MYH7B: variants seen among roughly 807,000 people sequenced by gnomAD.
The protein encoded by MYH7B is myosin heavy chain 7B.
MYH7B carries 205 observed loss-of-function variants against 234.5 expected under a neutral mutation model. The ratio of observed to expected loss-of-function variants is 0.87; its 90% CI spans 0.78 to 0.98. MYH7B has a LOEUF of 0.98. Ranked by LOEUF, MYH7B falls within the 50% of genes least tolerant of loss-of-function variation. MYH7B has a pLI of 0.00. For synonymous variants in MYH7B, 1,193 were observed against 1,105.0 expected (o/e 1.08, Z -1.58); for missense variants, 2,652 against 2,633.4 (o/e 1.01, Z -0.15).
intron 22 of MYH7B, 110 bp downstream of exon 22, chr20:34,990,420 G>A: frequency 8.5e-7 from 1 of 1,173,082 alleles, no homozygotes; most frequent in East Asian, 2.3e-5. Context: ...AAGACTTGCA[G>A]TGATGTTTAA....
At position 34,990,726 on chromosome 20, in the gene MYH7B, C is replaced by T; in HGVS notation, c.1978-12C>T. On this transcript the variant is annotated splice_polypyrimidine_tract_variant and intron_variant, in intron 22 of 44. Coordinates refer to ENST00000262873, the Ensembl canonical transcript of MYH7B. ...CCCTTTGTGCCTTTCCCTCACTCTT[C>T]CCCACTGCCAGGAGAACCTCAACAA... is the stretch of plus-strand genomic sequence containing the variant. 1 of 1,613,856 alleles carries T rather than the reference C, an allele frequency of 6.2e-7. No individual in the cohort carries two copies. Among genetic ancestry groups the T allele is most frequent in the African/African-American group, 1.3e-5 (1 of 75,048 alleles).
At chr20:34,995,645 C>T in intron 28 of MYH7B, 67 bp downstream of exon 28, 1 of 1,592,368 alleles carries the variant, frequency 6.3e-7, no homozygotes, top group Middle Eastern at 1.7e-4. Context: ...CAGGTGGCTG[C>T]AGGTCCCACC....
At chr20:34,959,277 C>A (rs2081669537) in intron 2 of MYH7B, among the ~76,000 whole-genome samples, 1 of 152,130 alleles carries the variant, frequency 6.6e-6, no homozygotes, top group Non-Finnish European at 1.5e-5. Flanking sequence ...TTTTTGGCCC[C>A]AGGCCTTTGC....
chr20:34,986,035 G>A (rs1311325388), intron 13 of MYH7B, 65 bp from the exon 14 acceptor site: 16 of 1,374,984 alleles, frequency 1.2e-5, no homozygotes, highest in African/African-American at 4.3e-5. Flanking sequence ...CCTCCGCATC[G>A]CCCCCTTGGG....
In MYH7B at chr20:34,987,190, T is replaced by G. The variant is rs200375788; in HGVS notation, c.1050T>G (p.Cys350Trp). 27 of 1,613,242 alleles carry G rather than the reference T, an allele frequency of 1.7e-5. No individual in the cohort carries two copies. The Admixed American group carries it at 3.7e-4, about 22-fold the overall frequency. ...TAGGCTTCAGCGTGGATGAGAAATGTGCCTGCTATAAGATCGTGGGCGCCC... is the reference window on the plus strand; with the variant it reads ...TAGGCTTCAGCGTGGATGAGAAATGGGCCTGCTATAAGATCGTGGGCGCCC... Residue 350 changes from cysteine to tryptophan, a missense_variant, in exon 16 of 45, where the codon TGT becomes TGG. Physicochemically the swap from Cys to Trp is radical, Grantham distance 215 (BLOSUM62 -2). Transcript: ENST00000262873.
rs200010023 is a variant in MYH7B, at chr20:34,991,115, G to A, written c.2177G>A (p.Arg726Gln). 9.2e-5 allele frequency: 148 copies of A among 1,604,378 alleles called. 1 individual carries two copies. The highest frequency in any genetic ancestry group is 8.5e-4 in the South Asian group (76 of 89,700). The change falls in exon 24 of 45, where the codon CGG becomes CAG. Residue 726 changes from arginine to glutamine, a missense_variant. Physicochemically the swap from Arg to Gln is conservative, Grantham distance 43. This residue lies in a region of MYH7B where 2,279 missense variants were observed against 2,211.4 expected (regional missense o/e 1.03). Transcript: ENST00000262873. ...AACAGGTTGCTCTACACCGACTTCCGGCAGCGGTGGGTGACCCCTTCCCCC... is the reference window on the plus strand; with the variant it reads ...AACAGGTTGCTCTACACCGACTTCCAGCAGCGGTGGGTGACCCCTTCCCCC...
Position 34,991,099 on chromosome 20 carries a change from CT to C in MYH7B, c.2162del (p.Leu721ProfsTer12). 1 of 1,610,924 alleles carries C rather than the reference CT, an allele frequency of 6.2e-7. No homozygotes were observed. The highest frequency in any genetic ancestry group is 8.5e-7 in the Non-Finnish European group (1 of 1,178,422). ...CCGCCAAGGGTTCCCCAACAGGTTGCTCTACACCGACTTCCGGCAGCGGTGG... is the reference window on the plus strand; with the variant it reads ...CCGCCAAGGGTTCCCCAACAGGTTGCCTACACCGACTTCCGGCAGCGGTGG... On this transcript the variant is annotated frameshift_variant, in exon 24 of 45. Transcript: ENST00000262873. LOFTEE classifies it high-confidence loss of function.
chr20:34,987,062 G>A, intron 15 of MYH7B, 73 bp downstream of exon 15: 1 of 1,609,562 alleles, frequency 6.2e-7, no homozygotes, highest in Non-Finnish European at 8.5e-7. Flanking sequence ...GGTGCCCCCA[G>A]CTGCATGAAT....
Position 34,991,131 on chromosome 20 carries a change from C to T in MYH7B, c.2183+10C>T, listed in dbSNP as rs1437614259. On this transcript the variant is annotated intron_variant, in intron 24 of 44. Transcript: ENST00000262873. ...CCGACTTCCGGCAGCGGTGGGTGAC[C>T]CCTTCCCCCTGCCTGCTGCTCCAGG... The T allele has an allele frequency of 3.1e-5, 49 of 1,580,968 alleles. No individual in the cohort carries two copies. The highest frequency in any genetic ancestry group is 4.1e-5 in the Non-Finnish European group (47 of 1,156,690).
At chr20:34,980,815 C>T (rs1350052687) in intron 8 of MYH7B, 81 bp downstream of exon 8, 4 of 1,566,096 alleles carry the variant, frequency 2.6e-6, no homozygotes, top group African/African-American at 1.4e-5. Context: ...CCCCTTCCCC[C>T]ACTGGCACTG....
intron 30 of MYH7B, 61 bp from the exon 31 acceptor site, chr20:34,997,022 G>GA (rs2082272810): frequency 6.6e-6 from 10 of 1,519,120 alleles, no homozygotes; most frequent in Non-Finnish European, 8.9e-6. Flanking sequence ...GGCGTTATGG[G>GA]GTCCCAGGCG....
rs780544970 is a variant in MYH7B at position 35,001,208 on chromosome 20, G to A, written c.5476-37G>A. ...GGCGCAGGCAGGGTGGGTGACCCAGGGGTGGGCTTGGCATCAGGCTGTCCC... is the reference window on the plus strand; with the variant it reads ...GGCGCAGGCAGGGTGGGTGACCCAGAGGTGGGCTTGGCATCAGGCTGTCCC... On this transcript the variant is annotated intron_variant, in intron 41 of 44. Transcript: ENST00000262873. 4.4e-6 allele frequency: 7 copies of A among 1,606,248 alleles called. No homozygotes were observed. The South Asian group carries it at 6.6e-5, about 15-fold the overall frequency.
chr20:34,995,226 C>T, intron 27 of MYH7B, 110 bp from the exon 28 acceptor site: 1 of 922,464 alleles, frequency 1.1e-6, no homozygotes, highest in East Asian at 2.8e-5. Flanking sequence ...TCTCAGAGCA[C>T]AGCCAAACTT....
rs1373747742 is a variant in MYH7B, at chr20:34,987,181, TGAGAA to T, written c.1042_1046del (p.Glu348MetfsTer5). ...TGGACATCCTAGGCTTCAGCGTGGA[TGAGAA>T]ATGTGCCTGCTATAAGATCGTGGGC... On this transcript the variant is annotated frameshift_variant, in exon 16 of 45. Transcript: ENST00000262873. LOFTEE classifies it high-confidence loss of function. 5 of 1,613,120 alleles carry T rather than the reference TGAGAA, an allele frequency of 3.1e-6. No individual in the cohort carries two copies. Among genetic ancestry groups the T allele is most frequent in the Non-Finnish European group, 2.5e-6 (3 of 1,179,968 alleles).
At chr20:34,987,806 C>T (rs1248962817) in exon 18 of MYH7B, 2 of 1,614,034 alleles carry the variant, frequency 1.2e-6, no homozygotes, top group African/African-American at 2.7e-5. Context: ...CCACCTATGA[C>T]CGGCTGTTCA....
exon 36 of MYH7B, chr20:34,999,193 C>T: frequency 6.2e-7 from 1 of 1,612,940 alleles, no homozygotes; most frequent in Non-Finnish European, 8.5e-7. Flanking sequence ...GAGCGGGCGA[C>T]CTCAGCAGCT....
chr20:34,981,213 C>A, intron 9 of MYH7B, 153 bp downstream of exon 9: 1 of 908,322 alleles, frequency 1.1e-6, no homozygotes, highest in Non-Finnish European at 1.7e-6. Context: ...CTAAATTAGG[C>A]CTGAGCACTT....
Position 35,002,160 on chromosome 20 carries a change from T to C in MYH7B, c.5815-17T>C, listed in dbSNP as rs367672546. 5 of 1,583,442 alleles carry C rather than the reference T, an allele frequency of 3.2e-6. No homozygotes were observed. In the African/African-American group the frequency reaches 4.0e-5, roughly 13 times the overall value. On this transcript the variant is annotated splice_polypyrimidine_tract_variant and intron_variant, in intron 44 of 44. Transcript: ENST00000262873. The stretch of plus-strand genomic sequence containing the variant: ...TGACAGGTAGTACTGCTCACTCAGC[T>C]ATCCCTTTCTCCTCAGCACAAGGAG...
Position 35,002,292 on chromosome 20 carries a change from C to T in MYH7B, c.*104C>T, listed in dbSNP as rs566190900. On this transcript the variant is annotated 3_prime_UTR_variant, in exon 45 of 45. Transcript: ENST00000262873. Reference sequence around the variant, plus strand: ...TCTCTGCATCGCCCCCTGCTGCCTTCAGCCTTCCCTGGGCCCTGAATAAAC... The same window carrying T: ...TCTCTGCATCGCCCCCTGCTGCCTTTAGCCTTCCCTGGGCCCTGAATAAAC... 51 of 1,345,696 alleles carry T rather than the reference C, an allele frequency of 3.8e-5. 1 individual carries two copies. In the Admixed American group the frequency reaches 8.1e-4, roughly 21 times the overall value. 83.4% of individuals were successfully genotyped at this position (1,345,696 alleles called of 1,614,324 possible). A position where few individuals can be genotyped will look rare whatever the true frequency, so the allele number is the denominator to read the frequency against.
Sources: allele counts gnomAD v4.1 joint callset (sites outside exome capture counted in the v4.1 genomes callset), GRCh38; gene constraint gnomAD v4.1.1; regional missense constraint gnomAD v4.1.1; transcripts MANE v1.5; gene names NCBI Gene and HGNC (gene_info 2026-07-23, HGNC 2026-07-21).